Variants in DCC observed in about 807,000 individuals in gnomAD.
DCC encodes DCC netrin 1 receptor, also known as netrin receptor DCC.
Under a neutral mutation model 172.5 loss-of-function variants are expected in DCC, and 58 were observed. The observed-to-expected ratio is 0.34, with a 90% CI of 0.27 to 0.42. The LOEUF (loss-of-function observed/expected upper bound fraction) is 0.42, where lower values mean the gene tolerates loss of function less well. DCC is among the 10% of genes least tolerant of loss of function. The pLI, the probability that DCC is intolerant of heterozygous loss-of-function variation, is 1.00. For missense variants in DCC, 1,740 were observed against 1,791.0 expected, an observed-to-expected ratio of 0.97 and a Z score of 0.51; for synonymous variants, 709 against 644.5, an observed-to-expected ratio of 1.10 and a Z score of -1.52.
chr18:52,890,956 G>GACTTTAAA (rs1210206906), intron 2 of DCC, among the ~76,000 whole-genome samples: 1 of 152,030 alleles, frequency 6.6e-6, no homozygotes, highest in Non-Finnish European at 1.5e-5. Context: ...AAAGCGGAAT[G>GACTTTAAA]ACTTTAAAAT....
In DCC at chr18:53,141,146, T is replaced by G. The variant is rs573642580; in HGVS notation, c.1262-16210T>G. ...CTACCATACTCATTGATTATTGAGT[T>G]TATAACTAGAGCTTTCTTCATGATT... On this transcript the variant is annotated intron_variant, in intron 7 of 28. Coordinates refer to ENST00000442544, the MANE Select transcript of DCC (RefSeq NM_005215.4). 7.2e-5 allele frequency among the ~76,000 whole-genome samples: 11 copies of G among 152,270 alleles called. No individual in the cohort carries two copies. The South Asian group carries it at 2.3e-3, about 32-fold the overall frequency.
At chr18:52,712,469 G>A (rs2036309569) in intron 1 of DCC, among the ~76,000 whole-genome samples, 1 of 152,126 alleles carries the variant, frequency 6.6e-6, no homozygotes, top group East Asian at 1.9e-4. Context: ...ATAACCCTAT[G>A]AGATATATGT....
intron 5 of DCC, among the ~76,000 whole-genome samples, chr18:53,044,294 C>A (rs2042207691): frequency 6.6e-6 from 1 of 151,776 alleles, no homozygotes; most frequent in South Asian, 2.1e-4. Context: ...ATGAATATTT[C>A]CTTGTTCAGG....
intron 1 of DCC, among the ~76,000 whole-genome samples, chr18:52,547,159 C>A (rs1468438961): frequency 5.3e-5 from 8 of 152,162 alleles, no homozygotes; most frequent in Non-Finnish European, 8.8e-5. Context: ...TGACTATAAT[C>A]TTCAAGTCTT....
intron 5 of DCC, among the ~76,000 whole-genome samples, chr18:52,996,541 T>G (rs993394381): frequency 7.9e-5 from 12 of 152,046 alleles, no homozygotes; most frequent in African/African-American, 2.9e-4. Context: ...CCAGAAATTT[T>G]TCACCCTAAA....
At chr18:53,461,361 C>A (rs370105581) in intron 24 of DCC, among the ~76,000 whole-genome samples, 1 of 151,894 alleles carries the variant, frequency 6.6e-6, no homozygotes, top group South Asian at 2.1e-4. Flanking sequence ...TTGCCCATGC[C>A]TATGTCCTGA....
chr18:53,011,488 C>T (rs886273450), intron 5 of DCC, among the ~76,000 whole-genome samples: 1 of 151,462 alleles, frequency 6.6e-6, no homozygotes, highest in Non-Finnish European at 1.5e-5. Flanking sequence ...CAGAAATATG[C>T]CTTGTATAGC....
intron 2 of DCC, chr18:52,754,362 A>G (rs1351372514): frequency 6.6e-6 from 1 of 152,180 alleles, no homozygotes; most frequent in Non-Finnish European, 1.5e-5. Context: ...AAATGTGTAT[A>G]TTGAAATTCT....
chr18:53,025,709 C>A (rs1018726746), intron 5 of DCC, among the ~76,000 whole-genome samples: 5 of 151,404 alleles, frequency 3.3e-5, no homozygotes, highest in Non-Finnish European at 5.9e-5. Context: ...ACTTGAGGGA[C>A]ATTTAAAGTA....
intron 9 of DCC, among the ~76,000 whole-genome samples, chr18:53,199,954 A>T (rs2055510282): frequency 6.6e-6 from 1 of 152,226 alleles, no homozygotes; most frequent in Non-Finnish European, 1.5e-5. Flanking sequence ...AAAACAATTT[A>T]GTACCAAAGG....
At chr18:52,741,737 C>T (rs1179581861) in intron 1 of DCC, among the ~76,000 whole-genome samples, 1 of 152,162 alleles carries the variant, frequency 6.6e-6, no homozygotes, top group Admixed American at 6.5e-5. Context: ...TGCTGGAACT[C>T]TCTCATTCAC....
intron 1 of DCC, among the ~76,000 whole-genome samples, chr18:52,690,729 G>T (rs1406056606): frequency 6.6e-6 from 1 of 152,014 alleles, no homozygotes. Context: ...CAAATACAAA[G>T]TATAAATCAA....
At chr18:53,519,633 G>T (rs1366538102) in intron 27 of DCC, among the ~76,000 whole-genome samples, 1 of 151,706 alleles carries the variant, frequency 6.6e-6, no homozygotes, top group Non-Finnish European at 1.5e-5. Flanking sequence ...ACAGCTAGGA[G>T]CCATGGAAGA....
At chr18:53,034,664 A>T (rs1006040561) in intron 5 of DCC, among the ~76,000 whole-genome samples, 2 of 151,066 alleles carry the variant, frequency 1.3e-5, no homozygotes, top group Non-Finnish European at 2.9e-5. Context: ...AGTGATCCTG[A>T]TCAATCTGTC....
At chr18:52,853,865 G>A (rs16955721) in intron 2 of DCC, among the ~76,000 whole-genome samples, 15,033 of 152,162 alleles carry the variant, frequency 0.099, 1,108 homozygotes, top group Admixed American at 0.2. Context: ...GCCTAACTTC[G>A]GGGTAGGAGT....
At chr18:53,292,130 T>C (rs79297600) in intron 12 of DCC, among the ~76,000 whole-genome samples, 3 of 140,702 alleles carry the variant, frequency 2.1e-5, no homozygotes, top group Non-Finnish European at 4.7e-5. Flanking sequence ...CCCCCTTTTT[T>C]CCTGTAAGCT....
At chr18:52,385,302 GT>G (rs1345482364) in intron 1 of DCC, among the ~76,000 whole-genome samples, 1 of 152,022 alleles carries the variant, frequency 6.6e-6, no homozygotes, top group Non-Finnish European at 1.5e-5. Context: ...TGGAGACAGA[GT>G]CTTGTTCTAG....
At chr18:52,479,607 C>A (rs1384326602) in intron 1 of DCC, among the ~76,000 whole-genome samples, 1 of 138,188 alleles carries the variant, frequency 7.2e-6, no homozygotes, top group Non-Finnish European at 1.5e-5. Flanking sequence ...CTTCCTCTCA[C>A]TAAGTTCTAT....
At position 52,909,352 on chromosome 18, in the gene DCC, T is replaced by C. The variant is rs116800346; in HGVS notation, c.697+3024T>C. On this transcript the variant is annotated intron_variant, in intron 3 of 28. Transcript: ENST00000442544. ...CAGAATGGTTAGAACTCTTGAAAGGTATATCTTTTCCTGGAGTCACTAAAT... is the reference window on the plus strand; with the variant it reads ...CAGAATGGTTAGAACTCTTGAAAGGCATATCTTTTCCTGGAGTCACTAAAT... Among the ~76,000 whole-genome samples the C allele has an allele frequency of 2.1e-3, 314 of 152,272 alleles. 1 individual carries two copies. Among genetic ancestry groups the C allele is most frequent in the African/African-American group, 7.2e-3 (298 of 41,562 alleles).
Sources: allele counts gnomAD v4.1 joint callset (sites outside exome capture counted in the v4.1 genomes callset), GRCh38; gene constraint gnomAD v4.1.1; transcripts MANE v1.5; gene names NCBI Gene and HGNC (gene_info 2026-07-23, HGNC 2026-07-21).